PRKCE: variants seen among roughly 807,000 people sequenced by gnomAD.
The protein encoded by PRKCE is protein kinase C epsilon type.
A neutral mutation model predicts 85.4 loss-of-function variants in PRKCE; 16 were observed. The ratio of observed to expected loss-of-function variants is 0.19; its 90% CI spans 0.13 to 0.28. The LOEUF is 0.28. PRKCE is among the 10% of genes least tolerant of loss of function. The pLI is 1.00. For missense variants in PRKCE, 573 were observed against 975.2 expected (o/e 0.59, Z 5.49); for synonymous variants, 388 against 371.5 (o/e 1.04, Z -0.51).
intron 6 of PRKCE, among the ~76,000 whole-genome samples, chr2:45,985,090 T>G (rs1235884384): frequency 6.6e-6 from 1 of 152,158 alleles, no homozygotes; most frequent in Non-Finnish European, 1.5e-5. Context: ...TGCTTACTCT[T>G]TGAAAGAGCC....
chr2:46,138,915 A>G lies in PRKCE; in HGVS notation c.1593-6178A>G, dbSNP rs577107734. On this transcript the variant is annotated intron_variant, in intron 11 of 14. Transcript: ENST00000306156. This position sits in a 1 kb window ranked among gnomAD's most constrained non-coding sequence, Gnocchi z 4.2. Reference sequence around the variant, plus strand: ...ACACACTGGACTCAAGGGAAGCTGAAGAGCCTGGTTCTTATCACCTTCCTA... The same window carrying G: ...ACACACTGGACTCAAGGGAAGCTGAGGAGCCTGGTTCTTATCACCTTCCTA... Among the ~76,000 whole-genome samples, 11 of 152,334 alleles carry G rather than the reference A, an allele frequency of 7.2e-5. No individual in the cohort carries two copies. The highest frequency in any genetic ancestry group is 2.6e-4 in the African/African-American group (11 of 41,580).
At chr2:46,043,381 G>A (rs1406214195) in intron 10 of PRKCE, among the ~76,000 whole-genome samples, 1 of 152,134 alleles carries the variant, frequency 6.6e-6, no homozygotes, top group Non-Finnish European at 1.5e-5. Context: ...CAGCAGTGAA[G>A]GGGAAGAGTC....
At chr2:46,072,229 C>T (rs1668143275) in intron 10 of PRKCE, among the ~76,000 whole-genome samples, 1 of 152,240 alleles carries the variant, frequency 6.6e-6, no homozygotes, top group Non-Finnish European at 1.5e-5. Flanking sequence ...CAGCCACCAG[C>T]TGTGCCACTT....
intron 1 of PRKCE, among the ~76,000 whole-genome samples, chr2:45,817,419 C>T (rs909991571): frequency 9.2e-5 from 14 of 152,106 alleles, no homozygotes; most frequent in Non-Finnish European, 1.8e-4. Flanking sequence ...TCCGGCTGGG[C>T]GCGGTGGCTC....
chr2:45,744,899 G>A (rs1052551010), intron 1 of PRKCE, among the ~76,000 whole-genome samples: 4 of 152,180 alleles, frequency 2.6e-5, no homozygotes, highest in Non-Finnish European at 4.4e-5. Context: ...GTGAGCCACC[G>A]CACCCAGCCA....
chr2:46,055,403 G>A (rs776346947), intron 10 of PRKCE, among the ~76,000 whole-genome samples: 5 of 152,202 alleles, frequency 3.3e-5, no homozygotes, highest in Non-Finnish European at 5.9e-5. Flanking sequence ...TAGTTCTAGC[G>A]CCCGTGAACT....
At chr2:45,722,082 A>G (rs887828703) in intron 1 of PRKCE, among the ~76,000 whole-genome samples, 1 of 152,050 alleles carries the variant, frequency 6.6e-6, no homozygotes, top group African/African-American at 2.4e-5. Context: ...AAACAGATAC[A>G]TTTTTAAATT....
rs1682876704 is a variant in PRKCE at position 45,744,429 on chromosome 2, CTTT to C, written c.348+91982_348+91984del. On this transcript the variant is annotated intron_variant, in intron 1 of 14. Transcript: ENST00000306156. ...TTTCTTTTCTTTTCTTTCTTTCTTT[CTTT>C]CTTTCTTTCTTTCTTTCTTTCTTTC... Among the ~76,000 whole-genome samples, 7 of 30,014 alleles carry C rather than the reference CTTT, an allele frequency of 2.3e-4. No individual in the cohort carries two copies. In the South Asian group the frequency reaches 0.019, roughly 81 times the overall value. 19.7% of individuals were successfully genotyped at this position (30,014 alleles called of 152,430 possible).
rs1023407562 is a variant in PRKCE, at chr2:46,184,648, G to T, written c.2068-87G>T. On this transcript the variant is annotated intron_variant, in intron 14 of 14. Transcript: ENST00000306156. The surrounding 1 kb of genome is among the most constrained non-coding windows in gnomAD (Gnocchi z 5.0). ...AGCTAGAGGCCTGCTTTGGTGACAG[G>T]CTGGTCAGTGCGGTGCCCACTCCCC... The T allele has an allele frequency of 2.7e-6, 4 of 1,505,122 alleles. No individual in the cohort carries two copies. The highest frequency in any genetic ancestry group is 3.6e-6 in the Non-Finnish European group (4 of 1,121,516). The allele number at this position is 1,505,122 out of a possible 1,614,324, so 93.2% of individuals were successfully genotyped here.
intron 1 of PRKCE, among the ~76,000 whole-genome samples, chr2:45,795,655 G>T (rs1442169333): frequency 6.6e-6 from 1 of 152,124 alleles, no homozygotes; most frequent in Non-Finnish European, 1.5e-5. Context: ...CTCCATACTG[G>T]ATTCTCCACC....
chr2:45,984,515 G>A lies in PRKCE; in HGVS notation c.694-36G>A, dbSNP rs201328196. ...GACAAGTCTTCTGGGGAACTGAGGA[G>A]CTCGGTGGTGAACCTGTATCTTGCC... On this transcript the variant is annotated intron_variant, in intron 5 of 14. Coordinates refer to ENST00000306156, the MANE Select transcript of PRKCE (RefSeq NM_005400.3). 9 of 1,593,780 alleles carry A rather than the reference G, an allele frequency of 5.6e-6. No individual in the cohort carries two copies. In the Admixed American group the frequency reaches 8.4e-5, roughly 15 times the overall value.
intron 1 of PRKCE, among the ~76,000 whole-genome samples, chr2:45,705,621 G>A (rs574284340): frequency 6.6e-6 from 1 of 152,296 alleles, no homozygotes; most frequent in East Asian, 1.9e-4. Context: ...CCACGCTTTG[G>A]CTTCTAGAGT....
At chr2:45,934,212 G>A (rs1699269479) in intron 2 of PRKCE, among the ~76,000 whole-genome samples, 1 of 152,144 alleles carries the variant, frequency 6.6e-6, no homozygotes, top group Non-Finnish European at 1.5e-5. Context: ...GTAGTTGTGT[G>A]TTTATCAAAA....
chr2:45,914,573 C>T (rs144006006), intron 2 of PRKCE, among the ~76,000 whole-genome samples: 1 of 152,288 alleles, frequency 6.6e-6, no homozygotes, highest in Non-Finnish European at 1.5e-5. Flanking sequence ...CTCACTCCAC[C>T]AGGCTGATCG....
chr2:46,038,726 A>G (rs1708040680), intron 10 of PRKCE, among the ~76,000 whole-genome samples: 1 of 150,648 alleles, frequency 6.6e-6, no homozygotes, highest in African/African-American at 2.4e-5. Flanking sequence ...TTCCTTGCGA[A>G]TGACCATCTT....
intron 13 of PRKCE, among the ~76,000 whole-genome samples, chr2:46,157,636 G>A (rs1242203605): frequency 1.3e-5 from 2 of 152,180 alleles, no homozygotes; most frequent in Non-Finnish European, 2.9e-5. Flanking sequence ...GTTCGTGAGG[G>A]TGAGACGTTC....
chr2:45,834,045 A>G (rs1255043299), intron 1 of PRKCE, among the ~76,000 whole-genome samples: 3 of 152,170 alleles, frequency 2.0e-5, no homozygotes, highest in Admixed American at 6.5e-5. Flanking sequence ...GTTTTTAGCT[A>G]CCTCTGTCAT....
At chr2:46,087,036 G>C (rs949485597) in intron 11 of PRKCE, among the ~76,000 whole-genome samples, 1 of 152,130 alleles carries the variant, frequency 6.6e-6, no homozygotes, top group Admixed American at 6.5e-5. Context: ...ATTCTGGGAG[G>C]AGTAAATATT....
rs149839838 is a variant in PRKCE, at chr2:45,982,233, G to A, written c.693+1852G>A. 4.0e-3 allele frequency among the ~76,000 whole-genome samples: 584 copies of A among 144,638 alleles called. 3 individuals are homozygous for A. Among genetic ancestry groups the A allele is most frequent in the African/African-American group, 0.014 (514 of 37,914 alleles). 94.9% of individuals were successfully genotyped at this position (144,638 alleles called of 152,430 possible). A position where few individuals can be genotyped will look rare whatever the true frequency, so the allele number is the denominator to read the frequency against. ...CAGGGTGATGGGCTTGCCCTCTGCC[G>A]GGTTACTGAACTGCTGGGGACCAAA... On this transcript the variant is annotated intron_variant, in intron 5 of 14. Coordinates refer to ENST00000306156, the MANE Select transcript of PRKCE (RefSeq NM_005400.3).
Sources: gnomAD v4.1 joint callset for allele counts (sites outside exome capture counted in the v4.1 genomes callset) on GRCh38, gnomAD v4.1.1 for gene constraint, Gnocchi (gnomAD v3.1) non-coding constraint, MANE v1.5 for transcripts, NCBI Gene and HGNC (gene_info 2026-07-23, HGNC 2026-07-21) for gene names.